NLGN1: variants seen among roughly 807,000 people sequenced by gnomAD.
NLGN1 encodes neuroligin 1.
A neutral mutation model predicts 65.5 loss-of-function variants in NLGN1; 12 were observed. That is an observed-to-expected ratio of 0.18 (90% CI 0.12 to 0.30). The LOEUF (loss-of-function observed/expected upper bound fraction) is 0.30, where lower values mean the gene tolerates loss of function less well. Among genes scored for constraint, NLGN1 ranks in the 10% least tolerant of loss-of-function variants. The pLI is 1.00. For synonymous variants in NLGN1, 350 were observed against 359.5 expected (o/e 0.97, Z 0.30); for missense variants, 750 against 1,007.1 (o/e 0.74, Z 3.46).
intron 4 of NLGN1, among the ~76,000 whole-genome samples, chr3:174,178,836 C>G (rs1729903156): frequency 6.6e-6 from 1 of 152,074 alleles, no homozygotes; most frequent in African/African-American, 2.4e-5. Flanking sequence ...TTAGTCTTTA[C>G]ACCTTCATTA....
At chr3:173,454,825 G>A (rs1298374375) in intron 2 of NLGN1, among the ~76,000 whole-genome samples, 2 of 152,126 alleles carry the variant, frequency 1.3e-5, no homozygotes, top group South Asian at 2.1e-4. Flanking sequence ...TTTATCATTT[G>A]TGTGTTCAGT....
chr3:173,818,190 A>G (rs1000880877), intron 4 of NLGN1, among the ~76,000 whole-genome samples: 1 of 152,202 alleles, frequency 6.6e-6, no homozygotes, highest in African/African-American at 2.4e-5. Context: ...AGTCAGCCTC[A>G]ATCCTTCCTC....
intron 1 of NLGN1, among the ~76,000 whole-genome samples, chr3:173,410,251 G>A (rs73178882): frequency 0.028 from 4,266 of 152,256 alleles, 113 homozygotes; most frequent in African/African-American, 0.069. Flanking sequence ...AAATAACATA[G>A]CACTTTTGCC....
At chr3:174,005,723 A>G (rs574698628) in intron 4 of NLGN1, among the ~76,000 whole-genome samples, 1 of 151,864 alleles carries the variant, frequency 6.6e-6, no homozygotes, top group African/African-American at 2.4e-5. Flanking sequence ...CACAAAACTA[A>G]ATTTATATAG....
At chr3:174,117,471 A>C (rs1716752221) in intron 4 of NLGN1, among the ~76,000 whole-genome samples, 2 of 151,984 alleles carry the variant, frequency 1.3e-5, no homozygotes, top group African/African-American at 4.8e-5. Flanking sequence ...CAAAAAAAAA[A>C]TTAGCCAGGC....
intron 2 of NLGN1, among the ~76,000 whole-genome samples, chr3:173,598,701 A>G (rs899906063): frequency 1.3e-5 from 2 of 152,286 alleles, no homozygotes; most frequent in East Asian, 1.9e-4. Context: ...GCGTTCCTCA[A>G]AAAAGCCTTT....
chr3:174,255,296 G>A (rs1042908980), intron 4 of NLGN1, among the ~76,000 whole-genome samples: 1 of 151,888 alleles, frequency 6.6e-6, no homozygotes, highest in Non-Finnish European at 1.5e-5. Context: ...TTAGCCGGGC[G>A]TGGTGGCGGG....
At chr3:173,972,547 C>T (rs946215102) in intron 4 of NLGN1, among the ~76,000 whole-genome samples, 6 of 152,002 alleles carry the variant, frequency 3.9e-5, no homozygotes, top group African/African-American at 1.4e-4. Context: ...TTGAATAGCA[C>T]ACTTTCACAA....
intron 3 of NLGN1, chr3:173,644,713 C>T (rs1757973401): frequency 6.5e-6 from 1 of 153,690 alleles, no homozygotes; most frequent in Admixed American, 6.5e-5. Context: ...TCAAGACTGA[C>T]TGAGAGTAGA....
At chr3:173,869,020 T>C (rs1396814939) in intron 4 of NLGN1, among the ~76,000 whole-genome samples, 1 of 152,194 alleles carries the variant, frequency 6.6e-6, no homozygotes, top group Admixed American at 6.5e-5. Context: ...CTGTCTCTTC[T>C]CTACTTCAGT....
chr3:174,224,067 C>T (rs1739151562), intron 4 of NLGN1, among the ~76,000 whole-genome samples: 1 of 152,148 alleles, frequency 6.6e-6, no homozygotes, highest in African/African-American at 2.4e-5. Flanking sequence ...TTTTCTATCT[C>T]ATGAATATTT....
chr3:174,176,989 G>A (rs906939873), intron 4 of NLGN1, among the ~76,000 whole-genome samples: 8 of 151,990 alleles, frequency 5.3e-5, no homozygotes, highest in African/African-American at 1.9e-4. Flanking sequence ...CTGGTTCAGC[G>A]TAGCATAGGA....
intron 4 of NLGN1, among the ~76,000 whole-genome samples, chr3:174,036,583 T>TG (rs1350437777): frequency 2.1e-4 from 10 of 48,476 alleles, no homozygotes; most frequent in Non-Finnish European, 4.0e-5. Flanking sequence ...GGTTTTTTGT[T>TG]GTTTTTTTTT....
intron 4 of NLGN1, among the ~76,000 whole-genome samples, chr3:173,994,465 CAAAAAA>C (rs1170577220): frequency 3.0e-4 from 10 of 32,916 alleles, no homozygotes; most frequent in African/African-American, 8.1e-4. Context: ...TTGAGAAAAG[CAAAAAA>C]AAAAAAAAAA....
intron 4 of NLGN1, among the ~76,000 whole-genome samples, chr3:173,966,128 A>G (rs76809850): frequency 0.016 from 2,474 of 152,288 alleles, 74 homozygotes; most frequent in African/African-American, 0.055. Context: ...TTCCGTAATA[A>G]TTTGGTTTAT....
intron 4 of NLGN1, among the ~76,000 whole-genome samples, chr3:174,081,218 CATATT>C (rs1742125480): frequency 6.6e-6 from 1 of 152,086 alleles, no homozygotes; most frequent in East Asian, 1.9e-4. Context: ...GAGAAAGACA[CATATT>C]ATATTTATTT....
chr3:173,762,969 C>CACACACACAA (rs1489507667), intron 3 of NLGN1, among the ~76,000 whole-genome samples: 1 of 145,820 alleles, frequency 6.9e-6, no homozygotes, highest in East Asian at 2.0e-4. Flanking sequence ...CTCTGATACA[C>CACACACACAA]ACACACACAC....
chr3:173,609,379 G>A (rs922557038), intron 3 of NLGN1, among the ~76,000 whole-genome samples: 1 of 151,852 alleles, frequency 6.6e-6, no homozygotes, highest in Non-Finnish European at 1.5e-5. Context: ...CATTTTGGTC[G>A]TGATTTTCAA....
intron 4 of NLGN1, among the ~76,000 whole-genome samples, chr3:174,158,120 T>C (rs1725803925): frequency 6.6e-6 from 1 of 151,724 alleles, no homozygotes; most frequent in African/African-American, 2.4e-5. Context: ...AGAACAGCAG[T>C]ATGCTTTGTG....
Sources: gnomAD v4.1 joint callset for allele counts (sites outside exome capture counted in the v4.1 genomes callset) on GRCh38, gnomAD v4.1.1 for gene constraint, MANE v1.5 for transcripts, NCBI Gene and HGNC (gene_info 2026-07-23, HGNC 2026-07-21) for gene names.